BTAF1: variants seen among roughly 807,000 people sequenced by gnomAD.
BTAF1 encodes the protein TATA-binding protein-associated factor 172.
In BTAF1, 38 loss-of-function variants were observed where a neutral mutation model predicts 227.1. That is an observed-to-expected ratio of 0.17 (90% confidence interval 0.13 to 0.22). The LOEUF (loss-of-function observed/expected upper bound fraction) is 0.22. Among genes scored for constraint, BTAF1 ranks in the 10% least tolerant of loss-of-function variants. The pLI, the probability that BTAF1 is intolerant of heterozygous loss-of-function variation, is 1.00. For synonymous variants in BTAF1, 742 were observed against 751.9 expected (o/e 0.99, Z 0.21); for missense variants, 1,598 against 2,204.0 (o/e 0.73, Z 5.51).
chr10:91,937,459 T>C (rs1844703257), intron 2 of BTAF1, among the ~76,000 whole-genome samples: 1 of 152,214 alleles, frequency 6.6e-6, no homozygotes, highest in Admixed American at 6.5e-5. Flanking sequence ...GCAGTCACTC[T>C]TCAATACTCC....
chr10:91,972,664 A>G (rs1847387452), intron 14 of BTAF1, among the ~76,000 whole-genome samples: 1 of 152,198 alleles, frequency 6.6e-6, no homozygotes, highest in African/African-American at 2.4e-5. Flanking sequence ...CCTGAAAGTT[A>G]CTTATTGATT....
chr10:91,961,910 G>A (rs1327999288), intron 11 of BTAF1, among the ~76,000 whole-genome samples: 1 of 152,022 alleles, frequency 6.6e-6, no homozygotes, highest in Non-Finnish European at 1.5e-5. Flanking sequence ...AGATATGGAG[G>A]CTAGGATTCT....
chr10:92,009,306 T>C lies in BTAF1; in HGVS notation c.4103+98T>C, dbSNP rs1468932939. On this transcript the variant is annotated intron_variant, in intron 28 of 37. Coordinates refer to ENST00000265990, the MANE Select transcript of BTAF1 (RefSeq NM_003972.3). ...TAAAGTGAATTCTAATTAGCTCTTT[T>C]GGTTGTATGACATAGAAACTTCACT... 2.3e-6 allele frequency: 3 copies of C among 1,290,264 alleles called. No homozygotes were observed. The East Asian group carries it at 7.2e-5, about 31-fold the overall frequency. 79.9% of individuals were successfully genotyped at this position (1,290,264 alleles called of 1,614,324 possible). A position where few individuals can be genotyped will look rare whatever the true frequency, so the allele number is the denominator to read the frequency against.
intron 14 of BTAF1, among the ~76,000 whole-genome samples, chr10:91,971,256 A>G (rs1185691318): frequency 6.6e-6 from 1 of 152,108 alleles, no homozygotes; most frequent in African/African-American, 2.4e-5. Flanking sequence ...ACTGAAAGAG[A>G]TGCTGTCTGT....
At chr10:92,014,958 A>G (rs1298863493) in intron 32 of BTAF1, among the ~76,000 whole-genome samples, 1 of 152,232 alleles carries the variant, frequency 6.6e-6, no homozygotes, top group Non-Finnish European at 1.5e-5. Context: ...AAGGTATGGT[A>G]AAAACACAAT....
In BTAF1 at chr10:91,956,544, G is replaced by A; in HGVS notation, c.718G>A (p.Gly240Arg). ...ATTTTTTAGCAATGATAGCACTGAT[G>A]GGGAGCCAGAAGAAAAGAGACGGAA... is the stretch of plus-strand genomic sequence containing the variant. ...TNEKSNDSTDGEPEEKRRKIA... is the reference protein window; with the variant it reads ...TNEKSNDSTDREPEEKRRKIA... The change falls in exon 7 of 38, where the codon GGG becomes AGG. Residue 240 changes from glycine to arginine, a missense_variant. Coordinates refer to ENST00000265990, the MANE Select transcript of BTAF1 (RefSeq NM_003972.3). 6.2e-7 allele frequency: 1 copy of A among 1,602,590 alleles called. No homozygotes were observed. The highest frequency in any genetic ancestry group is 1.1e-5 in the South Asian group (1 of 88,826).
intron 1 of BTAF1, among the ~76,000 whole-genome samples, chr10:91,928,365 A>C (rs575849257): frequency 6.6e-6 from 1 of 152,308 alleles, no homozygotes; most frequent in South Asian, 2.1e-4. Context: ...ATAGCATTTG[A>C]AGTTCTCTGT....
At chr10:91,950,226 C>T (rs915931632) in intron 4 of BTAF1, among the ~76,000 whole-genome samples, 3 of 151,394 alleles carry the variant, frequency 2.0e-5, no homozygotes, top group Non-Finnish European at 4.4e-5. Context: ...GCTCTATCTT[C>T]AGGCTAAAAG....
chr10:91,994,499 T>C (rs1849007406), intron 22 of BTAF1, 36 bp from the exon 23 acceptor site: 13 of 1,502,440 alleles, frequency 8.7e-6, no homozygotes, highest in African/African-American at 1.4e-5. Flanking sequence ...TTTGAAAAAT[T>C]ATTTGCCAGA....
At position 91,949,649 on chromosome 10, in the gene BTAF1, CTTT is replaced by C. The variant is rs1237139265; in HGVS notation, c.401-1753_401-1751del. On this transcript the variant is annotated intron_variant, in intron 4 of 37. Coordinates refer to ENST00000265990, the MANE Select transcript of BTAF1 (RefSeq NM_003972.3). ...TAGATTTTAGCTTTTTAGATTTTAGCTTTAGCTGCATTGTCTGGAGTCTGCTCT... is the reference window on the plus strand; with the variant it reads ...TAGATTTTAGCTTTTTAGATTTTAGCAGCTGCATTGTCTGGAGTCTGCTCT... Among the ~76,000 whole-genome samples the C allele has an allele frequency of 1.1e-4, 16 of 152,164 alleles. No individual in the cohort carries two copies. In the South Asian group the frequency reaches 2.1e-3, roughly 20 times the overall value.
intron 14 of BTAF1, among the ~76,000 whole-genome samples, chr10:91,974,560 GA>G: frequency 6.6e-6 from 1 of 152,248 alleles, no homozygotes; most frequent in East Asian, 1.9e-4. Flanking sequence ...GTACTCTTAA[GA>G]AAAACCATGG....
chr10:91,976,823 T>C (rs1232650060), intron 14 of BTAF1, among the ~76,000 whole-genome samples: 1 of 152,148 alleles, frequency 6.6e-6, no homozygotes, highest in African/African-American at 2.4e-5. Context: ...TTCTAGATAG[T>C]GGTAAGAGAC....
At chr10:92,004,753 G>A (rs1356641080) in intron 25 of BTAF1, among the ~76,000 whole-genome samples, 2 of 152,190 alleles carry the variant, frequency 1.3e-5, no homozygotes, top group East Asian at 3.8e-4. Context: ...TTACAGGGGT[G>A]AACCACCATG....
At chr10:92,013,011 G>T (rs928733760) in intron 30 of BTAF1, among the ~76,000 whole-genome samples, 1 of 152,132 alleles carries the variant, frequency 6.6e-6, no homozygotes, top group African/African-American at 2.4e-5. Context: ...GTGGCCCAGA[G>T]TCAGGGGGCA....
rs1054817511 is a variant in BTAF1, at chr10:92,029,069, C to T, written c.*136C>T. 7 of 715,262 alleles carry T rather than the reference C, an allele frequency of 9.8e-6. No individual in the cohort carries two copies. The African/African-American group carries it at 1.3e-4, about 13-fold the overall frequency. The allele number at this position is 715,262 out of a possible 1,614,324, so 44.3% of individuals were successfully genotyped here. A position where few individuals can be genotyped will look rare whatever the true frequency, so the allele number is the denominator to read the frequency against. On this transcript the variant is annotated 3_prime_UTR_variant, in exon 38 of 38. Coordinates refer to ENST00000265990, the MANE Select transcript of BTAF1 (RefSeq NM_003972.3). Reference sequence around the variant, plus strand: ...GAGAATATTCAGCATAATGCTGGCTCTTGTTTCACTGGGGGAAACAAGTTA... The same window carrying T: ...GAGAATATTCAGCATAATGCTGGCTTTTGTTTCACTGGGGGAAACAAGTTA...
chr10:91,927,734 T>A (rs1344177556), intron 1 of BTAF1, among the ~76,000 whole-genome samples: 1 of 152,212 alleles, frequency 6.6e-6, no homozygotes, highest in Non-Finnish European at 1.5e-5. Context: ...AATTATTATT[T>A]AAATTATTCA....
chr10:91,981,364 G>A (rs1483500937), intron 15 of BTAF1, among the ~76,000 whole-genome samples: 1 of 151,962 alleles, frequency 6.6e-6, no homozygotes, highest in Admixed American at 6.6e-5. Flanking sequence ...GACTTACTGA[G>A]ATTTTGACAA....
chr10:91,986,595 G>C (rs983048234), intron 19 of BTAF1, among the ~76,000 whole-genome samples: 1 of 151,850 alleles, frequency 6.6e-6, no homozygotes, highest in African/African-American at 2.4e-5. Flanking sequence ...TTATTTTCCC[G>C]AGTGTTGTTA....
intron 8 of BTAF1, 101 bp downstream of exon 8, chr10:91,957,394 CTGTT>C (rs1241016488): frequency 8.6e-6 from 8 of 926,172 alleles, no homozygotes; most frequent in African/African-American, 3.3e-5. Context: ...CTATTCTTCT[CTGTT>C]TGTCTCAGGA....
Sources: allele counts gnomAD v4.1 joint callset (sites outside exome capture counted in the v4.1 genomes callset), GRCh38; gene constraint gnomAD v4.1.1; transcripts MANE v1.5; gene names NCBI Gene and HGNC (gene_info 2026-07-23, HGNC 2026-07-21).